Variants in PTPRK observed in about 807,000 individuals in gnomAD.
PTPRK encodes protein tyrosine phosphatase receptor type K.
A neutral mutation model predicts 178.0 loss-of-function variants in PTPRK; 75 were observed. The observed-to-expected ratio is 0.42, with a 90% CI of 0.35 to 0.51. PTPRK has a LOEUF of 0.51. PTPRK is among the 20% of genes least tolerant of loss of function. The pLI is 0.02. For synonymous variants in PTPRK, 637 were observed against 620.6 expected (o/e 1.03, Z -0.39); for missense variants, 1,441 against 1,797.8 (o/e 0.80, Z 3.59).
At chr6:128,029,988 G>A (rs1264275252) in intron 13 of PTPRK, among the ~76,000 whole-genome samples, 1 of 152,148 alleles carries the variant, frequency 6.6e-6, no homozygotes, top group Non-Finnish European at 1.5e-5. Context: ...GCAGCTAAGT[G>A]AGAATGTGGT....
rs1395631320 is a variant in PTPRK at position 128,181,492 on chromosome 6, A to G, written c.1162+2940T>C. Among the ~76,000 whole-genome samples the G allele has an allele frequency of 2.0e-5, 3 of 152,266 alleles. No homozygotes were observed. In the East Asian group the frequency reaches 5.8e-4, roughly 29 times the overall value. ...AGTCCTAATTAAAAAAGAATGGTTT[A>G]TAAATCTAGTATTCAGTTCCTCTTA... On this transcript the variant is annotated intron_variant, in intron 7 of 29. Coordinates refer to ENST00000368226, the MANE Select transcript of PTPRK (RefSeq NM_002844.4).
chr6:128,135,869 A>G (rs1003461398), intron 7 of PTPRK, among the ~76,000 whole-genome samples: 4 of 152,114 alleles, frequency 2.6e-5, no homozygotes, highest in Non-Finnish European at 4.4e-5. Context: ...AAAAAACAAG[A>G]AAAGAATAGC....
chr6:128,217,560 C>A (rs918511557), intron 6 of PTPRK, among the ~76,000 whole-genome samples: 2 of 152,070 alleles, frequency 1.3e-5, no homozygotes, highest in Non-Finnish European at 2.9e-5. Flanking sequence ...TTTCAAATTT[C>A]TTTTCGTTAA....
At chr6:128,006,438 AGATT>A (rs1223390706) in intron 14 of PTPRK, among the ~76,000 whole-genome samples, 5 of 150,990 alleles carry the variant, frequency 3.3e-5, no homozygotes, top group Admixed American at 2.0e-4. Flanking sequence ...TGTACTATAT[AGATT>A]ATTTTTCTTT....
At chr6:128,451,405 T>C (rs1300036692) in intron 1 of PTPRK, among the ~76,000 whole-genome samples, 1 of 152,190 alleles carries the variant, frequency 6.6e-6, no homozygotes, top group Non-Finnish European at 1.5e-5. Flanking sequence ...CTGTAGACTT[T>C]TGGCATAGTA....
intron 1 of PTPRK, among the ~76,000 whole-genome samples, chr6:128,445,545 A>G (rs1219189526): frequency 1.3e-5 from 2 of 150,962 alleles, no homozygotes; most frequent in Non-Finnish European, 2.9e-5. Flanking sequence ...ATATACTTAC[A>G]TATATACATG....
intron 3 of PTPRK, among the ~76,000 whole-genome samples, chr6:128,261,160 A>C (rs1230492519): frequency 6.6e-6 from 1 of 152,150 alleles, no homozygotes; most frequent in Non-Finnish European, 1.5e-5. Flanking sequence ...CTCCAAATAA[A>C]ACTTTCAAAA....
At chr6:128,073,253 A>G (rs986364521) in intron 11 of PTPRK, among the ~76,000 whole-genome samples, 6 of 152,048 alleles carry the variant, frequency 3.9e-5, no homozygotes, top group African/African-American at 1.4e-4. Context: ...AATAATGAAG[A>G]TAGTAGCAAA....
At chr6:128,032,189 C>A (rs1179551839) in intron 13 of PTPRK, among the ~76,000 whole-genome samples, 3 of 152,200 alleles carry the variant, frequency 2.0e-5, no homozygotes, top group African/African-American at 7.2e-5. Context: ...TGCCTCTCAC[C>A]TTCAGATGCC....
intron 1 of PTPRK, among the ~76,000 whole-genome samples, chr6:128,451,304 A>C (rs562496788): frequency 2.0e-5 from 3 of 152,318 alleles, no homozygotes; most frequent in African/African-American, 7.2e-5. Flanking sequence ...CCCAAACTAC[A>C]AAAAACACCA....
At chr6:128,178,607 A>G (rs1229112644) in intron 7 of PTPRK, among the ~76,000 whole-genome samples, 1 of 151,896 alleles carries the variant, frequency 6.6e-6, no homozygotes, top group African/African-American at 2.4e-5. Context: ...CCAGGAATTT[A>G]TGGATTTCCT....
intron 6 of PTPRK, among the ~76,000 whole-genome samples, chr6:128,190,373 T>G (rs1478381126): frequency 6.6e-6 from 1 of 152,134 alleles, no homozygotes; most frequent in African/African-American, 2.4e-5. Flanking sequence ...TTCTATAAAT[T>G]TTTTAATCTA....
chr6:128,249,298 TA>T (rs10622564), intron 3 of PTPRK, among the ~76,000 whole-genome samples: 1,592 of 132,706 alleles, frequency 0.012, 11 homozygotes, highest in Non-Finnish European at 0.016. Flanking sequence ...TGGTGTGATT[TA>T]AAAAAAAAAA....
rs1167624323 is a variant in PTPRK at position 128,322,188 on chromosome 6, T to C, written c.346A>G (p.Lys116Glu). ...IDFSYLLYSQ[K>E]GLNPGTLNIL... ...TTCAAAGTGCCAGGATTCAGTCCTT[T>C]CTGGCTATATAATAGGTAACTGAAA... The change falls in exon 3 of 30, where the codon AAA (lysine) becomes GAA (glutamate). Residue 116 changes from lysine (K) to glutamate (E), a missense_variant. Around this residue, in one of 4 missense-constraint regions of PTPRK, gnomAD observed 158 missense variants for 188.0 expected, o/e 0.84. Transcript: ENST00000368226. 6 of 1,613,914 alleles carry C rather than the reference T, an allele frequency of 3.7e-6. No homozygotes were observed. Among genetic ancestry groups the C allele is most frequent in the Non-Finnish European group, 4.2e-6 (5 of 1,179,866 alleles).
intron 19 of PTPRK, among the ~76,000 whole-genome samples, chr6:127,991,817 C>T (rs1047919837): frequency 3.3e-5 from 5 of 151,610 alleles, no homozygotes; most frequent in South Asian, 2.1e-4. Context: ...TATCCTTACA[C>T]GTAAGGACAT....
chr6:128,165,475 T>C (rs1799267001), intron 7 of PTPRK, among the ~76,000 whole-genome samples: 2 of 151,254 alleles, frequency 1.3e-5, no homozygotes, highest in Admixed American at 6.6e-5. Context: ...AGGAAAATCA[T>C]TCTATCCTAT....
chr6:128,286,520 T>C (rs529581533), intron 3 of PTPRK, among the ~76,000 whole-genome samples: 1 of 152,280 alleles, frequency 6.6e-6, no homozygotes, highest in East Asian at 1.9e-4. Context: ...TCCATTTCTC[T>C]CCTTATTATG....
intron 1 of PTPRK, among the ~76,000 whole-genome samples, chr6:128,431,751 G>A (rs1222457116): frequency 1.3e-5 from 2 of 152,202 alleles, no homozygotes; most frequent in Non-Finnish European, 2.9e-5. Flanking sequence ...CGCAATAAAA[G>A]CTCAACATGA....
intron 13 of PTPRK, among the ~76,000 whole-genome samples, chr6:128,020,204 T>C (rs1773282077): frequency 6.6e-6 from 1 of 152,140 alleles, no homozygotes; most frequent in African/African-American, 2.4e-5. Flanking sequence ...ATACTGATTA[T>C]TACATATGTG....
Sources: allele counts gnomAD v4.1 joint callset (sites outside exome capture counted in the v4.1 genomes callset), GRCh38; gene constraint gnomAD v4.1.1; regional missense constraint gnomAD v4.1.1; transcripts MANE v1.5; gene names NCBI Gene and HGNC (gene_info 2026-07-23, HGNC 2026-07-21).